Variants in KLF12 observed in about 807,000 individuals in gnomAD.
KLF12 encodes KLF transcription factor 12.
KLF12 carries 9 observed loss-of-function variants against 37.8 expected under a neutral mutation model. The ratio of observed to expected loss-of-function variants is 0.24; its 90% confidence interval spans 0.14 to 0.42. The LOEUF (loss-of-function observed/expected upper bound fraction) is 0.42. KLF12 is among the 10% of genes least tolerant of loss of function. The pLI is 1.00. For missense variants in KLF12, 411 were observed against 516.0 expected, an observed-to-expected ratio of 0.80 and a Z score of 1.97; for synonymous variants, 208 against 202.1, an observed-to-expected ratio of 1.03 and a Z score of -0.25.
At chr13:73,827,007 C>CCCAGGG (rs1883884194) in intron 4 of KLF12, among the ~76,000 whole-genome samples, 2 of 152,144 alleles carry the variant, frequency 1.3e-5, no homozygotes, top group African/African-American at 4.8e-5. Flanking sequence ...TCTTGAACTC[C>CCCAGGG]TGGGCTTAAG....
At chr13:74,274,391 C>T in the KLF12 span, among the ~76,000 whole-genome samples, 2 of 152,154 alleles carry the variant, frequency 1.3e-5, no homozygotes, top group Non-Finnish European at 2.9e-5. Flanking sequence ...CCTCTAAGAT[C>T]GCACATTACC....
chr13:74,201,293 A>G, the KLF12 span, among the ~76,000 whole-genome samples: 2 of 152,290 alleles, frequency 1.3e-5, no homozygotes, highest in Non-Finnish European at 2.9e-5. Context: ...GATGTCTACA[A>G]CACCAGTCTG....
At chr13:74,300,467 C>A in the KLF12 span, among the ~76,000 whole-genome samples, 3 of 152,202 alleles carry the variant, frequency 2.0e-5, no homozygotes, top group Middle Eastern at 3.4e-3. Flanking sequence ...CTGTAAAATT[C>A]ATGTTCAAAG....
chr13:73,784,776 A>AC (rs1390796326), intron 5 of KLF12, among the ~76,000 whole-genome samples: 1 of 149,504 alleles, frequency 6.7e-6, no homozygotes, highest in Non-Finnish European at 1.5e-5. Flanking sequence ...AATTACAGAC[A>AC]CCCCCCACCA....
chr13:74,172,961 T>A, the KLF12 span, among the ~76,000 whole-genome samples: 1 of 152,336 alleles, frequency 6.6e-6, no homozygotes, highest in South Asian at 2.1e-4. Flanking sequence ...AATACGCCCG[T>A]ACCTCTCTGA....
At chr13:73,743,081 G>T (rs1263709308) in intron 6 of KLF12, among the ~76,000 whole-genome samples, 1 of 151,570 alleles carries the variant, frequency 6.6e-6, no homozygotes, top group Non-Finnish European at 1.5e-5. Context: ...TCTTACATAA[G>T]AAAATCCTGT....
intron 7 of KLF12, among the ~76,000 whole-genome samples, chr13:73,700,804 T>C (rs917933029): frequency 6.6e-6 from 1 of 152,136 alleles, no homozygotes; most frequent in Non-Finnish European, 1.5e-5. Context: ...ATTTTAGAAA[T>C]GGATACCAAA....
chr13:74,035,683 G>T (rs956702537), intron 1 of KLF12, among the ~76,000 whole-genome samples: 5 of 152,078 alleles, frequency 3.3e-5, no homozygotes, highest in African/African-American at 1.2e-4. Flanking sequence ...ATTTCTGAGG[G>T]GTTGAAAGGG....
chr13:74,187,885 A>G, the KLF12 span, among the ~76,000 whole-genome samples: 1 of 152,192 alleles, frequency 6.6e-6, no homozygotes, highest in Non-Finnish European at 1.5e-5. Context: ...CAAGGTGCTA[A>G]GAGTTGCTGC....
At chr13:74,022,189 A>G (rs541018847) in intron 1 of KLF12, among the ~76,000 whole-genome samples, 46 of 152,324 alleles carry the variant, frequency 3.0e-4, no homozygotes, top group Middle Eastern at 6.8e-3. Context: ...CTCTTAGTCA[A>G]TAACACCACA....
intron 6 of KLF12, among the ~76,000 whole-genome samples, chr13:73,755,673 A>G (rs1879109099): frequency 6.6e-6 from 1 of 151,862 alleles, no homozygotes; most frequent in African/African-American, 2.4e-5. Flanking sequence ...TTGGCTACAT[A>G]AATAAGTTAT....
chr13:73,792,306 T>C (rs1881732792), intron 5 of KLF12, among the ~76,000 whole-genome samples: 2 of 152,218 alleles, frequency 1.3e-5, no homozygotes, highest in African/African-American at 4.8e-5. Context: ...CTAGTTATAA[T>C]AAATGTATTT....
intron 1 of KLF12, among the ~76,000 whole-genome samples, chr13:74,130,461 T>A (rs1193764648): frequency 2.0e-5 from 3 of 152,252 alleles, no homozygotes; most frequent in African/African-American, 7.2e-5. Context: ...GAATTCAGGA[T>A]CTAGCCTGGA....
At chr13:73,883,030 T>C (rs2138963800) in intron 3 of KLF12, among the ~76,000 whole-genome samples, 1 of 152,306 alleles carries the variant, frequency 6.6e-6, no homozygotes, top group South Asian at 2.1e-4. Context: ...ATGCAAAATG[T>C]ACTAATCTAA....
intron 6 of KLF12, among the ~76,000 whole-genome samples, chr13:73,751,630 A>G (rs538123500): frequency 5.3e-5 from 8 of 152,278 alleles, no homozygotes; most frequent in African/African-American, 1.9e-4. Context: ...AGCTTGGGTG[A>G]TTTTGTAGAC....
chr13:73,823,750 G>A (rs925020473), intron 4 of KLF12, among the ~76,000 whole-genome samples: 1 of 151,694 alleles, frequency 6.6e-6, no homozygotes, highest in African/African-American at 2.4e-5. Context: ...CGCTCTTGTT[G>A]CCCAGGCTGG....
intron 3 of KLF12, among the ~76,000 whole-genome samples, chr13:73,891,284 T>A (rs2139020634): frequency 6.6e-6 from 1 of 152,228 alleles, no homozygotes; most frequent in East Asian, 1.9e-4. Flanking sequence ...TTATTTAAAA[T>A]ATATTTTCAC....
chr13:74,072,404 T>TATATATAC (rs1397789699), intron 1 of KLF12, among the ~76,000 whole-genome samples: 1 of 118,044 alleles, frequency 8.5e-6, no homozygotes, highest in Non-Finnish European at 1.8e-5. Flanking sequence ...TATATATATA[T>TATATATAC]ATAAAAGATT....
At chr13:74,251,773 G>C in the KLF12 span, among the ~76,000 whole-genome samples, 1 of 152,138 alleles carries the variant, frequency 6.6e-6, no homozygotes, top group East Asian at 1.9e-4. Context: ...GGGTCAGTTA[G>C]ACAAGTTGGC....
Sources: allele counts gnomAD v4.1 joint callset (sites outside exome capture counted in the v4.1 genomes callset), GRCh38; gene constraint gnomAD v4.1.1; transcripts MANE v1.5; gene names NCBI Gene and HGNC (gene_info 2026-07-23, HGNC 2026-07-21).